The following ARID4B variants were observed in gnomAD, a reference collection of about 807,000 sequenced individuals.
ARID4B encodes the protein AT-rich interactive domain-containing protein 4B.
Under a neutral mutation model 147.5 loss-of-function variants are expected in ARID4B, and 26 were observed. The ratio of observed to expected loss-of-function variants is 0.18; its 90% CI spans 0.13 to 0.24. The LOEUF (loss-of-function observed/expected upper bound fraction) is 0.24. ARID4B is among the 10% of genes least tolerant of loss of function. ARID4B has a pLI of 1.00. For missense variants in ARID4B, 1,179 were observed against 1,511.5 expected, an observed-to-expected ratio of 0.78 and a Z score of 3.65; for synonymous variants, 512 against 507.9, an observed-to-expected ratio of 1.01 and a Z score of -0.11.
chr1:235,256,240 T>A (rs1161938563), intron 4 of ARID4B, among the ~76,000 whole-genome samples: 1 of 150,740 alleles, frequency 6.6e-6, no homozygotes, highest in Non-Finnish European at 1.5e-5. Flanking sequence ...GTGAAAATGT[T>A]AATGTAGTAA....
In ARID4B at chr1:235,216,933, T is replaced by C. The variant is rs990771906; in HGVS notation, c.1583+2860A>G. On this transcript the variant is annotated intron_variant, in intron 16 of 23. Coordinates refer to ENST00000264183, the MANE Select transcript of ARID4B (RefSeq NM_016374.6). ...AGAATCATCATATAAAAATGAGATA[T>C]AGAATCAAAATTCTAAATTTTTTGA... is the stretch of plus-strand genomic sequence containing the variant. 2.6e-5 allele frequency among the ~76,000 whole-genome samples: 4 copies of C among 152,082 alleles called. No individual in the cohort carries two copies. The East Asian group carries it at 5.8e-4, about 22-fold the overall frequency.
intron 2 of ARID4B, among the ~76,000 whole-genome samples, chr1:235,265,109 T>A (rs1223087876): frequency 1.3e-5 from 2 of 149,398 alleles, no homozygotes; most frequent in Non-Finnish European, 3.0e-5. Context: ...ATGCCTATAA[T>A]AATCCCAGCA....
intron 2 of ARID4B, among the ~76,000 whole-genome samples, chr1:235,286,621 A>C (rs942436760): frequency 3.9e-5 from 6 of 152,338 alleles, no homozygotes; most frequent in South Asian, 2.1e-4. Flanking sequence ...GATTCTGGAG[A>C]AGAGCTATAG....
intron 20 of ARID4B, 119 bp downstream of exon 20, chr1:235,181,466 A>G (rs1036259480): frequency 3.0e-6 from 4 of 1,323,402 alleles, no homozygotes; most frequent in Non-Finnish European, 4.1e-6. Context: ...CATTTTTACC[A>G]TGTTCACACA....
At chr1:235,311,779 C>CA (rs950377367) in intron 2 of ARID4B, among the ~76,000 whole-genome samples, 1 of 151,392 alleles carries the variant, frequency 6.6e-6, no homozygotes, top group African/African-American at 2.4e-5. Context: ...GTCTCAAAAA[C>CA]AAAAAACAAA....
At chr1:235,262,725 T>C (rs1317615596) in intron 2 of ARID4B, among the ~76,000 whole-genome samples, 1 of 152,056 alleles carries the variant, frequency 6.6e-6, no homozygotes. Flanking sequence ...ATCCCAGCAA[T>C]TTGGGAGGCC....
intron 2 of ARID4B, among the ~76,000 whole-genome samples, chr1:235,274,415 A>G (rs1671188455): frequency 6.6e-6 from 1 of 152,008 alleles, no homozygotes; most frequent in African/African-American, 2.4e-5. Flanking sequence ...TAATTGCAAA[A>G]CCACAATTAC....
intron 2 of ARID4B, among the ~76,000 whole-genome samples, chr1:235,283,234 C>T (rs980351160): frequency 1.3e-5 from 2 of 152,098 alleles, no homozygotes; most frequent in Non-Finnish European, 2.9e-5. Context: ...ATTTTAAGGA[C>T]ATAATTCACT....
intron 2 of ARID4B, among the ~76,000 whole-genome samples, chr1:235,323,108 T>C (rs948385191): frequency 1.3e-5 from 2 of 150,918 alleles, no homozygotes. Context: ...TGGTGCCATC[T>C]CGACTCACTG....
intron 8 of ARID4B, among the ~76,000 whole-genome samples, chr1:235,237,685 CAA>C (rs754322309): frequency 6.6e-6 from 1 of 152,074 alleles, no homozygotes; most frequent in African/African-American, 2.4e-5. Flanking sequence ...CACAAATATA[CAA>C]AAGAGTTTAT....
intron 2 of ARID4B, among the ~76,000 whole-genome samples, chr1:235,272,848 G>C (rs1345101288): frequency 3.3e-5 from 5 of 152,046 alleles, no homozygotes; most frequent in African/African-American, 1.2e-4. Context: ...TTTTAAAGAA[G>C]ATTTTGTACT....
intron 17 of ARID4B, among the ~76,000 whole-genome samples, chr1:235,207,036 C>T (rs1265824226): frequency 6.6e-6 from 1 of 152,210 alleles, no homozygotes; most frequent in African/African-American, 2.4e-5. Flanking sequence ...CTTATGAAGA[C>T]TGGCTTCAGA....
intron 7 of ARID4B, among the ~76,000 whole-genome samples, chr1:235,246,033 G>A (rs1039392101): frequency 3.3e-5 from 5 of 152,140 alleles, no homozygotes; most frequent in South Asian, 2.1e-4. Context: ...TTCACATAAA[G>A]GTTTAAGCAT....
chr1:235,171,219 C>T (rs918400324), intron 23 of ARID4B, among the ~76,000 whole-genome samples: 1 of 152,052 alleles, frequency 6.6e-6, no homozygotes, highest in African/African-American at 2.4e-5. Context: ...ATCACGAAGT[C>T]AAGAGATCGA....
At position 235,236,833 on chromosome 1, in the gene ARID4B, A is replaced by AATACAT. The variant is rs1553299957; in HGVS notation, c.586-2342_586-2341insATGTAT. Among the ~76,000 whole-genome samples, 8 of 33,522 alleles carry AATACAT rather than the reference A, an allele frequency of 2.4e-4. 1 individual carries two copies. The highest frequency in any genetic ancestry group is 7.4e-4 in the African/African-American group (5 of 6,720). The allele number at this position is 33,522 out of a possible 152,430, so 22.0% of individuals were successfully genotyped here. A position where few individuals can be genotyped will look rare whatever the true frequency, so the allele number is the denominator to read the frequency against. ...TGGCCCACAAAACGGTTTTATAAAA[A>AATACAT]ATATATATATATATATATATATATA... On this transcript the variant is annotated intron_variant, in intron 8 of 23. Transcript: ENST00000264183.
rs772468953 is a variant in ARID4B at position 235,255,683 on chromosome 1, G to A, written c.251C>T (p.Thr84Ile). 6.2e-7 allele frequency: 1 copy of A among 1,610,652 alleles called. No homozygotes were observed. Among genetic ancestry groups the A allele is most frequent in the Admixed American group, 1.7e-5 (1 of 59,672 alleles). Residue 84 changes from threonine (T) to isoleucine (I), a missense_variant, in exon 5 of 24, where the codon ACA becomes ATA. Physicochemically the swap from Thr to Ile is moderately conservative, Grantham distance 89. Transcript: ENST00000264183. ...ACCTACAGTGTACCAACTCGCATCTGTTAGTTTATTGATAACAGCTTCCTG... is the reference window on the plus strand; with the variant it reads ...ACCTACAGTGTACCAACTCGCATCTATTAGTTTATTGATAACAGCTTCCTG... ...AYQEAVINKLTDASWYTVVFD... is the reference protein window; with the variant it reads ...AYQEAVINKLIDASWYTVVFD...
intron 2 of ARID4B, among the ~76,000 whole-genome samples, chr1:235,302,031 G>A (rs1368232292): frequency 6.7e-6 from 1 of 149,732 alleles, no homozygotes. Flanking sequence ...ACGGGGTTTC[G>A]CCATGTTGCC....
At chr1:235,319,642 T>C (rs1674685803) in intron 2 of ARID4B, among the ~76,000 whole-genome samples, 1 of 152,146 alleles carries the variant, frequency 6.6e-6, no homozygotes, top group Admixed American at 6.5e-5. Context: ...GATTTGACAA[T>C]GCCTTCATGG....
intron 16 of ARID4B, among the ~76,000 whole-genome samples, chr1:235,215,191 A>G (rs540435432): frequency 1.2e-4 from 18 of 152,076 alleles, no homozygotes; most frequent in South Asian, 2.1e-4. Flanking sequence ...TCTAAAACTG[A>G]GCATTCATAT....
Sources: gnomAD v4.1 joint callset for allele counts (sites outside exome capture counted in the v4.1 genomes callset) on GRCh38, gnomAD v4.1.1 for gene constraint, MANE v1.5 for transcripts, NCBI Gene and HGNC (gene_info 2026-07-23, HGNC 2026-07-21) for gene names.